CABIN1: variants seen among roughly 807,000 people sequenced by gnomAD.
CABIN1 encodes calcineurin-binding protein cabin-1.
Under a neutral mutation model 227.7 loss-of-function variants are expected in CABIN1, and 133 were observed. That is an observed-to-expected ratio of 0.58 (90% CI 0.51 to 0.67). The LOEUF (loss-of-function observed/expected upper bound fraction) is 0.67, where lower values mean the gene tolerates loss of function less well. Among genes scored for constraint, CABIN1 ranks in the 30% least tolerant of loss-of-function variants. The pLI, the probability that CABIN1 is intolerant of heterozygous loss-of-function variation, is 0.00. For synonymous variants in CABIN1, 1,086 were observed against 1,155.1 expected (o/e 0.94, Z 1.21); for missense variants, 2,408 against 2,852.5 (o/e 0.84, Z 3.55).
chr22:24,078,569 CTTCTT>C (rs764664246), intron 19 of CABIN1, among the ~76,000 whole-genome samples: 22 of 152,140 alleles, frequency 1.4e-4, no homozygotes, highest in Non-Finnish European at 2.9e-4. Flanking sequence ...TCTTGAGTCT[CTTCTT>C]TTCTTGAGTT....
At chr22:24,064,355 G>A (rs561425474) in intron 15 of CABIN1, among the ~76,000 whole-genome samples, 168 bp downstream of exon 15, 1 of 152,072 alleles carries the variant, frequency 6.6e-6, no homozygotes, top group Non-Finnish European at 1.5e-5. Context: ...ACGGGTGCCC[G>A]CCGCCATGCC....
intron 29 of CABIN1, among the ~76,000 whole-genome samples, chr22:24,135,866 G>A (rs2044365011): frequency 6.6e-6 from 1 of 152,202 alleles, no homozygotes; most frequent in South Asian, 2.1e-4. Context: ...CTGAGAGCCA[G>A]CCAGCTGGTG....
intron 29 of CABIN1, among the ~76,000 whole-genome samples, chr22:24,146,026 T>G (rs903690428): frequency 3.3e-5 from 5 of 152,134 alleles, no homozygotes; most frequent in African/African-American, 1.2e-4. Flanking sequence ...CCTCTCTGAG[T>G]ACCTCCTCTA....
At chr22:24,118,275 A>G (rs1441644374) in intron 27 of CABIN1, among the ~76,000 whole-genome samples, 3 of 152,096 alleles carry the variant, frequency 2.0e-5, no homozygotes, top group Non-Finnish European at 2.9e-5. Flanking sequence ...GGTCAGACTA[A>G]TAGCAGGTGG....
chr22:24,154,698 C>T (rs1238652832), intron 29 of CABIN1, among the ~76,000 whole-genome samples: 1 of 152,204 alleles, frequency 6.6e-6, no homozygotes, highest in Non-Finnish European at 1.5e-5. Flanking sequence ...GGCACTGCCT[C>T]TTGAGTTCCT....
chr22:24,078,158 A>G (rs1302620314), intron 19 of CABIN1, among the ~76,000 whole-genome samples: 1 of 152,016 alleles, frequency 6.6e-6, no homozygotes, highest in African/African-American at 2.4e-5. Context: ...TGTCCTGTCT[A>G]CTGCTGGGGA....
chr22:24,124,993 C>T (rs574542694), intron 28 of CABIN1, among the ~76,000 whole-genome samples: 1 of 152,240 alleles, frequency 6.6e-6, no homozygotes, highest in Non-Finnish European at 1.5e-5. Flanking sequence ...GGAATATTAG[C>T]CTTAAAAAGG....
Position 24,134,286 on chromosome 22 carries a change from C to T in CABIN1, c.4633-16C>T, listed in dbSNP as rs2044256827. The T allele has an allele frequency of 1.9e-6, 3 of 1,607,650 alleles. No homozygotes were observed. Among genetic ancestry groups the T allele is most frequent in the Middle Eastern group, 1.7e-4 (1 of 6,046 alleles). The stretch of plus-strand genomic sequence containing the variant: ...AGCCCACACACTCACTTTCAACCTA[C>T]TTCTTGTTTCCCCAGAACCTCCAGT... On this transcript the variant is annotated splice_polypyrimidine_tract_variant and intron_variant, in intron 28 of 36. Transcript: ENST00000263119.
At chr22:24,127,882 C>T (rs2043831921) in intron 28 of CABIN1, among the ~76,000 whole-genome samples, 3 of 151,864 alleles carry the variant, frequency 2.0e-5, no homozygotes, top group South Asian at 4.2e-4. Flanking sequence ...ATATGAATAA[C>T]GTAGAACAGA....
At chr22:24,027,579 T>G (rs1458899821) in intron 1 of CABIN1, among the ~76,000 whole-genome samples, 1 of 152,246 alleles carries the variant, frequency 6.6e-6, no homozygotes, top group East Asian at 1.9e-4. Flanking sequence ...TGTTGACAAG[T>G]GGAACCTTTA....
At position 24,065,828 on chromosome 22, in the gene CABIN1, C is replaced by T. The variant is rs1338708679; in HGVS notation, c.2038-1159C>T. On this transcript the variant is annotated intron_variant, in intron 15 of 36. Transcript: ENST00000263119. ...ACCAGCCCGGCCAACACAGCGAAAC[C>T]CCGTCTCCACCGAAAAAATATGAAA... is the stretch of plus-strand genomic sequence containing the variant. Among the ~76,000 whole-genome samples the T allele has an allele frequency of 2.0e-5, 3 of 152,242 alleles. No homozygotes were observed. In the East Asian group the frequency reaches 5.8e-4, roughly 29 times the overall value.
intron 33 of CABIN1, 36 bp downstream of exon 33, chr22:24,168,557 C>A: frequency 6.7e-7 from 1 of 1,482,176 alleles, no homozygotes; most frequent in Non-Finnish European, 9.2e-7. Flanking sequence ...CCTCATCTTG[C>A]GGAGCCTGCT....
At chr22:24,151,654 A>C (rs979260749) in intron 29 of CABIN1, among the ~76,000 whole-genome samples, 4 of 152,150 alleles carry the variant, frequency 2.6e-5, no homozygotes, top group African/African-American at 9.7e-5. Context: ...TGATTCCATC[A>C]GATCACACTT....
chr22:24,042,874 G>A, intron 5 of CABIN1, 30 bp from the exon 6 acceptor site: 1 of 1,387,246 alleles, frequency 7.2e-7, no homozygotes, highest in South Asian at 1.2e-5. Context: ...GTGTGTGTGT[G>A]TGTTTGCCCT....
chr22:24,109,824 T>A (rs2042713899), intron 26 of CABIN1, among the ~76,000 whole-genome samples: 1 of 152,216 alleles, frequency 6.6e-6, no homozygotes, highest in Non-Finnish European at 1.5e-5. Flanking sequence ...TGGTTGCTAG[T>A]TTATTGAGCT....
intron 19 of CABIN1, among the ~76,000 whole-genome samples, chr22:24,078,794 TA>T (rs2040608176): frequency 6.6e-6 from 1 of 152,192 alleles, no homozygotes; most frequent in African/African-American, 2.4e-5. Flanking sequence ...CTGATAAAAA[TA>T]AGAGTTAACA....
intron 29 of CABIN1, 145 bp from the exon 30 acceptor site, chr22:24,164,255 G>C (rs2046319832): frequency 2.1e-6 from 2 of 946,972 alleles, no homozygotes; most frequent in Non-Finnish European, 3.3e-6. Flanking sequence ...TGTCTCCTTG[G>C]GACAGTGAGA....
At chr22:24,042,171 C>T (rs115680494) in intron 5 of CABIN1, among the ~76,000 whole-genome samples, 2,454 of 152,286 alleles carry the variant, frequency 0.016, 78 homozygotes, top group East Asian at 0.14. Context: ...ACCCAGGCTG[C>T]TCTCGAACTC....
At chr22:24,047,896 C>A (rs1168051894) in intron 6 of CABIN1, among the ~76,000 whole-genome samples, 1 of 152,244 alleles carries the variant, frequency 6.6e-6, no homozygotes, top group Non-Finnish European at 1.5e-5. Context: ...TGGCACCCTG[C>A]TGCAGTGTTG....
Sources: allele counts gnomAD v4.1 joint callset (sites outside exome capture counted in the v4.1 genomes callset), GRCh38; gene constraint gnomAD v4.1.1; transcripts MANE v1.5; gene names NCBI Gene and HGNC (gene_info 2026-07-23, HGNC 2026-07-21).